ZNF682: variants seen among roughly 807,000 people sequenced by gnomAD.
ZNF682 encodes the protein zinc finger protein 682.
A neutral mutation model predicts 36.5 loss-of-function variants in ZNF682; 29 were observed. The observed-to-expected ratio is 0.80, with a 90% CI of 0.59 to 1.08. The LOEUF is 1.08. ZNF682 is among the 50% of genes least tolerant of loss of function. The pLI is 0.00. For missense variants in ZNF682, 561 were observed against 579.7 expected (o/e 0.97, Z 0.33); for synonymous variants, 180 against 197.0 (o/e 0.91, Z 0.72).
At chr19:20,022,941 C>G in intron 3 of ZNF682, 63 bp downstream of exon 3, 10 of 1,358,868 alleles carry the variant, frequency 7.4e-6, no homozygotes, top group Non-Finnish European at 1.0e-5. Context: ...CTCTTGAAGT[C>G]TGTCTTCCTT....
At chr19:20,008,713 T>G (rs1445302731) in intron 3 of ZNF682, among the ~76,000 whole-genome samples, 4 of 152,118 alleles carry the variant, frequency 2.6e-5, no homozygotes, top group Admixed American at 2.6e-4. Flanking sequence ...AGGAATTGGG[T>G]GCAGTGCCAG....
chr19:20,024,490 C>T (rs2088415007), intron 1 of ZNF682, 114 bp from the exon 2 acceptor site: 28 of 1,205,502 alleles, frequency 2.3e-5, no homozygotes, highest in Non-Finnish European at 3.1e-5. Flanking sequence ...ATTCAATCTG[C>T]TATTTTTAAC....
In ZNF682 at chr19:20,012,552, G is replaced by C. The variant is rs1295330351; in HGVS notation, c.227-5277C>G. ...GGAGGCCGAGGCGGGTGGATCACGA[G>C]GTCAGGAGATCAAGACCATCCTGGC... On this transcript the variant is annotated intron_variant, in intron 3 of 3. Coordinates refer to ENST00000397165, the MANE Select transcript of ZNF682 (RefSeq NM_033196.3). Among the ~76,000 whole-genome samples the C allele has an allele frequency of 2.0e-5, 3 of 152,218 alleles. No individual in the cohort carries two copies. The East Asian group carries it at 5.8e-4, about 29-fold the overall frequency.
At position 20,037,596 on chromosome 19, in the gene ZNF682, C is replaced by CT. The variant is rs573617353; in HGVS notation, c.3+1746_3+1747insA. On this transcript the variant is annotated intron_variant, in intron 1 of 3. Coordinates refer to ENST00000397165, the MANE Select transcript of ZNF682 (RefSeq NM_033196.3). ...CATTCTATCATTTGGGACATTTTCC[C>CT]GCCCCATCCTGCTCACTGAAGTGGA... Among the ~76,000 whole-genome samples, 12 of 64,820 alleles carry CT rather than the reference C, an allele frequency of 1.9e-4. 1 individual carries two copies. The East Asian group carries it at 2.7e-3, about 15-fold the overall frequency. 42.5% of individuals were successfully genotyped at this position (64,820 alleles called of 152,430 possible).
At chr19:20,014,055 C>G (rs1210886274) in intron 3 of ZNF682, among the ~76,000 whole-genome samples, 1 of 152,100 alleles carries the variant, frequency 6.6e-6, no homozygotes, top group Admixed American at 6.6e-5. Flanking sequence ...TTACAGTGCC[C>G]AAAGTAATGT....
At chr19:19,995,254 A>C (rs972606243), downstream of ZNF682, among the ~76,000 whole-genome samples, 2 of 152,352 alleles carry the variant, frequency 1.3e-5, no homozygotes, top group Non-Finnish European at 2.9e-5. Context: ...CAATGGGAAG[A>C]GGAGAATGGA....
At position 20,006,525 on chromosome 19, in the gene ZNF682, G is replaced by T; in HGVS notation, c.977C>A (p.Ser326Ter). The change falls in exon 4 of 4, where the codon TCA (serine) becomes TAA (stop). Residue 326 changes from serine (S) to a stop codon, truncating the protein, a stop_gained. Transcript: ENST00000397165. LOFTEE classifies it high-confidence loss of function. ...GGTTCTCTCATGTATAGTAAGTAGTGAGCAGTGGTTAAAGGCTTTCCCACA... is the reference window on the plus strand; with the variant it reads ...GGTTCTCTCATGTATAGTAAGTAGTTAGCAGTGGTTAAAGGCTTTCCCACA... ...KECGKAFNHC[S>*]LLTIHERTHT... The T allele has an allele frequency of 6.2e-7, 1 of 1,614,090 alleles. No individual in the cohort carries two copies. Among genetic ancestry groups the T allele is most frequent in the Non-Finnish European group, 8.5e-7 (1 of 1,180,004 alleles).
chr19:20,015,087 A>G (rs2088323894), intron 3 of ZNF682: 1 of 570,826 alleles, frequency 1.8e-6, no homozygotes, highest in Non-Finnish European at 2.2e-6. Context: ...AAAATATTTA[A>G]GATTCTAAAT....
intron 3 of ZNF682, among the ~76,000 whole-genome samples, chr19:19,999,045 A>G (rs1362905291): frequency 2.0e-5 from 3 of 152,086 alleles, no homozygotes; most frequent in Non-Finnish European, 4.4e-5. Context: ...ACTGGCTTTA[A>G]AAAAGATACC....
chr19:20,010,053 A>G lies in ZNF682; in HGVS notation c.227-2778T>C, dbSNP rs1009132576. ...CAAAAAAAGAGATTAAAAAAAAAAAAGAAATTCCAATCAGGAATTTTATGT... is the reference window on the plus strand; with the variant it reads ...CAAAAAAAGAGATTAAAAAAAAAAAGGAAATTCCAATCAGGAATTTTATGT... On this transcript the variant is annotated intron_variant, in intron 3 of 3. Transcript: ENST00000397165. Among the ~76,000 whole-genome samples, 19 of 152,046 alleles carry G rather than the reference A, an allele frequency of 1.2e-4. No homozygotes were observed. In the East Asian group the frequency reaches 1.7e-3, roughly 14 times the overall value.
chr19:20,007,221 G>C lies in ZNF682; in HGVS notation c.281C>G (p.Ser94Ter), dbSNP rs376297910. 6.8e-6 allele frequency: 11 copies of C among 1,613,492 alleles called. No homozygotes were observed. The highest frequency in any genetic ancestry group is 1.3e-5 in the African/African-American group (1 of 74,920). ...DLLPEQCMQDSFQKVILRRYG... is the reference protein window; with the variant it reads ...DLLPEQCMQD The stretch of plus-strand genomic sequence containing the variant: ...TCTTCTCAGTATCACTTTTTGGAAT[G>C]AATCTTGCATGCACTGTTCTGGCAA... The change falls in exon 4 of 4, where the codon TCA (serine) becomes TGA (stop). Residue 94 changes from serine to a stop codon, truncating the protein, a stop_gained. Transcript: ENST00000397165. LOFTEE classifies it low-confidence loss of function (END_TRUNC).
At chr19:20,018,250 C>G (rs111516015) in intron 3 of ZNF682, among the ~76,000 whole-genome samples, 1 of 150,284 alleles carries the variant, frequency 6.7e-6, no homozygotes, top group Non-Finnish European at 1.5e-5. Context: ...CCCGCCACTA[C>G]GCCCGGCTAA....
At chr19:20,027,146 T>A (rs566304290) in intron 1 of ZNF682, among the ~76,000 whole-genome samples, 1 of 152,194 alleles carries the variant, frequency 6.6e-6, no homozygotes, top group Non-Finnish European at 1.5e-5. Flanking sequence ...ATCTGGAAAA[T>A]CACATCTGTA....
intron 3 of ZNF682, among the ~76,000 whole-genome samples, chr19:20,018,935 A>G (rs2088361091): frequency 6.6e-6 from 1 of 152,180 alleles, no homozygotes; most frequent in Non-Finnish European, 1.5e-5. Context: ...CTGCACATCA[A>G]AGGAAAAATT....
At chr19:20,036,156 T>C (rs2088527164) in intron 1 of ZNF682, among the ~76,000 whole-genome samples, 2 of 152,226 alleles carry the variant, frequency 1.3e-5, no homozygotes, top group South Asian at 4.1e-4. Flanking sequence ...TGAGCTGGTC[T>C]TGCTATCGCA....
chr19:20,033,869 T>C (rs2088501866), intron 1 of ZNF682: 1 of 153,106 alleles, frequency 6.5e-6, no homozygotes, highest in Non-Finnish European at 1.5e-5. Flanking sequence ...CCTCAGTTTC[T>C]ACTGACAACG....
downstream of ZNF682, among the ~76,000 whole-genome samples, chr19:20,002,933 G>C (rs1187580607): frequency 2.0e-5 from 3 of 152,134 alleles, no homozygotes; most frequent in Non-Finnish European, 2.9e-5. Flanking sequence ...GCTCACGCCT[G>C]TAATCCCAGC....
chr19:20,001,442 A>G (rs934191764), downstream of ZNF682, among the ~76,000 whole-genome samples: 3 of 152,232 alleles, frequency 2.0e-5, no homozygotes, highest in Admixed American at 6.5e-5. Flanking sequence ...GGAGGTGTGC[A>G]TGCACATGTC....
At position 20,006,664 on chromosome 19, in the gene ZNF682, T is replaced by C; in HGVS notation, c.838A>G (p.Thr280Ala). Reference protein sequence around the residue: ...SPFVRHKKIHTGEKPYTCEDC... With the variant: ...SPFVRHKKIHAGEKPYTCEDC... The stretch of plus-strand genomic sequence containing the variant: ...TCACATGTATAGGGTTTTTCTCCTG[T>C]ATGAATTTTCTTATGTCTAACAAAG... Residue 280 changes from threonine to alanine, a missense_variant, in exon 4 of 4, where the codon ACA (threonine) becomes GCA (alanine). Transcript: ENST00000397165. 5.0e-6 allele frequency: 8 copies of C among 1,614,122 alleles called. No homozygotes were observed. Among genetic ancestry groups the C allele is most frequent in the Non-Finnish European group, 6.8e-6 (8 of 1,180,008 alleles).
Sources: gnomAD v4.1 joint callset for allele counts (sites outside exome capture counted in the v4.1 genomes callset) on GRCh38, gnomAD v4.1.1 for gene constraint, MANE v1.5 for transcripts, NCBI Gene and HGNC (gene_info 2026-07-23, HGNC 2026-07-21) for gene names.